The following DST variants were observed in gnomAD, a reference collection of about 807,000 sequenced individuals.
DST encodes the protein bullous pemphigoid antigen.
Under a neutral mutation model 875.2 loss-of-function variants are expected in DST, and 253 were observed. The ratio of observed to expected loss-of-function variants is 0.29; its 90% confidence interval spans 0.26 to 0.32. The LOEUF (loss-of-function observed/expected upper bound fraction) is 0.32. Among genes scored for constraint, DST ranks in the 10% least tolerant of loss-of-function variants. The probability of loss-of-function intolerance (pLI) is 1.00; values close to 1 mark genes in which losing one functional copy is unlikely to be tolerated. For synonymous variants in DST, 3,124 were observed against 3,197.1 expected (o/e 0.98, Z 0.77); for missense variants, 8,287 against 9,111.6 (o/e 0.91, Z 3.68).
At chr6:56,882,030 G>A (rs1470017837) in intron 3 of DST, among the ~76,000 whole-genome samples, 1 of 152,190 alleles carries the variant, frequency 6.6e-6, no homozygotes, top group Non-Finnish European at 1.5e-5. Flanking sequence ...CAGGTCGAAT[G>A]TATAATTTTT....
chr6:56,908,481 T>C (rs970854345), intron 2 of DST, among the ~76,000 whole-genome samples: 4 of 152,188 alleles, frequency 2.6e-5, no homozygotes, highest in South Asian at 2.1e-4. Flanking sequence ...AAAGTCATCA[T>C]AGATTTAAAT....
intron 4 of DST, among the ~76,000 whole-genome samples, chr6:56,747,533 A>G (rs1251265926): frequency 6.6e-6 from 1 of 152,260 alleles, no homozygotes; most frequent in Non-Finnish European, 1.5e-5. Flanking sequence ...ATTCCTAATT[A>G]TAGTTATACT....
At chr6:56,902,340 A>G (rs1188152114) in intron 2 of DST, among the ~76,000 whole-genome samples, 2 of 152,244 alleles carry the variant, frequency 1.3e-5, no homozygotes, top group East Asian at 3.8e-4. Flanking sequence ...AAAAATGAGG[A>G]GTAAGAATTT....
At chr6:56,717,017 T>TA (rs200160248) in intron 5 of DST, among the ~76,000 whole-genome samples, 1,998 of 151,662 alleles carry the variant, frequency 0.013, 41 homozygotes, top group African/African-American at 0.046. Context: ...CCATCTCTAC[T>TA]AAAAAAATAC....
At chr6:56,505,846 C>A (rs1300505644) in intron 77 of DST, among the ~76,000 whole-genome samples, 2 of 151,676 alleles carry the variant, frequency 1.3e-5, no homozygotes, top group South Asian at 4.2e-4. Context: ...TAAAAAAAAA[C>A]CTTATAAATG....
At chr6:56,882,514 G>A (rs536893711) in intron 3 of DST, among the ~76,000 whole-genome samples, 2 of 152,332 alleles carry the variant, frequency 1.3e-5, no homozygotes, top group African/African-American at 4.8e-5. Context: ...AACAGAGTTA[G>A]AAATGTATAA....
chr6:56,702,375 G>GTA (rs556804277), intron 7 of DST, among the ~76,000 whole-genome samples: 11 of 149,126 alleles, frequency 7.4e-5, no homozygotes, highest in East Asian at 3.9e-4. Context: ...TTTTATAACT[G>GTA]TATATACACA....
chr6:56,828,187 G>A (rs986542141), intron 4 of DST, among the ~76,000 whole-genome samples: 3 of 152,130 alleles, frequency 2.0e-5, no homozygotes, highest in Admixed American at 6.6e-5. Context: ...CTGCCTCCCC[G>A]GAGCCTGGAT....
chr6:56,843,516 C>G, intron 4 of DST: 1 of 985,216 alleles, frequency 1.0e-6, no homozygotes, highest in Non-Finnish European at 1.2e-6. Flanking sequence ...GGCGCCCGGA[C>G]CCTCTGCGGC....
intron 49 of DST, among the ~76,000 whole-genome samples, chr6:56,589,698 G>T (rs1430362308): frequency 6.6e-6 from 1 of 152,130 alleles, no homozygotes; most frequent in Non-Finnish European, 1.5e-5. Flanking sequence ...CCTCTTATGG[G>T]GCTAAAATCT....
intron 23 of DST, among the ~76,000 whole-genome samples, chr6:56,636,203 C>A (rs924512737): frequency 1.3e-5 from 2 of 150,756 alleles, no homozygotes; most frequent in African/African-American, 4.9e-5. Flanking sequence ...GACATAAAAC[C>A]AACTCTTTCG....
rs376924958 is a variant in DST, at chr6:56,492,984, G to A, written c.20500C>T (p.Arg6834Trp). The A allele has an allele frequency of 8.1e-6, 13 of 1,612,138 alleles. No homozygotes were observed. Among genetic ancestry groups the A allele is most frequent in the South Asian group, 2.2e-5 (2 of 90,680 alleles). Residue 6834 changes from arginine (R) to tryptophan (W), a missense_variant, in exon 84 of 104, where the codon CGG (arginine) becomes TGG (tryptophan). Around this residue, in one of 10 missense-constraint regions of DST, gnomAD observed 1,292 missense variants for 1,552.7 expected, o/e 0.83. Coordinates refer to ENST00000680361, the MANE Select transcript of DST (RefSeq NM_001374736.1). ...QAEQTLNVASRPSLILDTVLF... is the reference protein window; with the variant it reads ...QAEQTLNVASWPSLILDTVLF... ...ACTGTGTCCAAGATGAGACTTGGCC[G>A]AGAAGCTACATTTAGGGTCTGTTCA... is the stretch of plus-strand genomic sequence containing the variant.
chr6:56,620,547 T>C (rs1207119830), intron 36 of DST: 1 of 1,613,948 alleles, frequency 6.2e-7, no homozygotes, highest in Non-Finnish European at 8.5e-7. Context: ...TCCCTGACCT[T>C]CGGAAGTTCT....
In DST at chr6:56,608,876, T is replaced by C. The variant is rs2098520489; in HGVS notation, c.5752A>G (p.Lys1918Glu). ...GAGGTGCAGGGGTCAATAAGATCTT[T>C]GCACATATTTTGCCTTTCCAGAACT... ...SKVLERQNMC[K>E]DLIDPCTSEK... Residue 1918 changes from lysine (K) to glutamate (E), a missense_variant, in exon 40 of 104, where the codon AAA becomes GAA. Around this residue, in one of 10 missense-constraint regions of DST, gnomAD observed 3,138 missense variants for 3,116.6 expected, o/e 1.01. Coordinates refer to ENST00000680361, the MANE Select transcript of DST (RefSeq NM_001374736.1). The C allele has an allele frequency of 6.2e-7, 1 of 1,613,696 alleles. No individual in the cohort carries two copies. Among genetic ancestry groups the C allele is most frequent in the Non-Finnish European group, 8.5e-7 (1 of 1,179,766 alleles).
intron 98 of DST, chr6:56,466,964 T>C (rs181472946): frequency 6.0e-4 from 91 of 152,322 alleles, no homozygotes; most frequent in African/African-American, 1.3e-3. Context: ...GCCCTTTCAA[T>C]AGATCTCCAA....
chr6:56,474,055 CTT>C, intron 92 of DST, 53 bp from the exon 93 acceptor site: 1 of 1,483,292 alleles, frequency 6.7e-7, no homozygotes, highest in Non-Finnish European at 9.1e-7. Context: ...AGAAAACCGT[CTT>C]TAGAAATGAA....
At chr6:56,804,287 G>A (rs189119658) in intron 4 of DST, among the ~76,000 whole-genome samples, 62 of 152,172 alleles carry the variant, frequency 4.1e-4, no homozygotes, top group African/African-American at 1.4e-3. Context: ...TGAAAACCAG[G>A]TTATTGCAAT....
chr6:56,754,223 A>T (rs537064670), intron 4 of DST, among the ~76,000 whole-genome samples: 36 of 152,362 alleles, frequency 2.4e-4, no homozygotes, highest in African/African-American at 8.7e-4. Context: ...AAGGAAATCA[A>T]TTAATTCAAC....
At position 56,640,366 on chromosome 6, in the gene DST, G is replaced by A. The variant is rs1450480015; in HGVS notation, c.2267C>T (p.Ser756Phe). 1.2e-6 allele frequency: 2 copies of A among 1,614,014 alleles called. No individual in the cohort carries two copies. Among genetic ancestry groups the A allele is most frequent in the Non-Finnish European group, 1.7e-6 (2 of 1,179,980 alleles). Residue 756 changes from serine to phenylalanine, a missense_variant, in exon 18 of 104, where the codon TCC (serine) becomes TTC (phenylalanine). By Grantham distance (155) the Ser-to-Phe change is radical. This residue lies in a region of DST where 1,160 missense variants were observed against 1,424.3 expected (regional missense o/e 0.81). Transcript: ENST00000680361. ...MTSGLSSGMT[S>F]RLTPSVTPAY... is the part of the protein sequence containing the mutation. Reference sequence around the variant, plus strand: ...TGGAGTGACAGATGGAGTCAGGCGGGAAGTCATCCCTGATGACAGGCCAGA... The same window carrying A: ...TGGAGTGACAGATGGAGTCAGGCGGAAAGTCATCCCTGATGACAGGCCAGA...
Sources: allele counts gnomAD v4.1 joint callset (sites outside exome capture counted in the v4.1 genomes callset), GRCh38; gene constraint gnomAD v4.1.1; regional missense constraint gnomAD v4.1.1; transcripts MANE v1.5; gene names NCBI Gene and HGNC (gene_info 2026-07-23, HGNC 2026-07-21).